SF3B3: variants seen among roughly 807,000 people sequenced by gnomAD.
The protein encoded by SF3B3 is splicing factor 3b subunit 3.
Under a neutral mutation model 139.2 loss-of-function variants are expected in SF3B3, and 33 were observed. That is an observed-to-expected ratio of 0.24 (90% CI 0.18 to 0.32). The LOEUF (loss-of-function observed/expected upper bound fraction) is 0.32, where lower values mean the gene tolerates loss of function less well. Among genes scored for constraint, SF3B3 ranks in the 10% least tolerant of loss-of-function variants. The probability of loss-of-function intolerance (pLI) is 1.00; values close to 1 mark genes in which losing one functional copy is unlikely to be tolerated. For synonymous variants in SF3B3, 596 were observed against 563.6 expected (o/e 1.06, Z -0.81); for missense variants, 818 against 1,509.4 (o/e 0.54, Z 7.59).
intron 15 of SF3B3, among the ~76,000 whole-genome samples, chr16:70,558,096 G>A (rs1268955347): frequency 6.6e-6 from 1 of 152,034 alleles, no homozygotes; most frequent in African/African-American, 2.4e-5. Flanking sequence ...TTGTCTTGTA[G>A]AATTTCCCAC....
At chr16:70,534,783 C>G (rs2050150850) in intron 5 of SF3B3, among the ~76,000 whole-genome samples, 1 of 152,190 alleles carries the variant, frequency 6.6e-6, no homozygotes, top group African/African-American at 2.4e-5. Flanking sequence ...GTTCTCCTGC[C>G]TCAGCCTCCC....
At position 70,556,249 on chromosome 16, in the gene SF3B3, A is replaced by T. The variant is rs749459179; in HGVS notation, c.1781A>T (p.Asn594Ile). Residue 594 changes from asparagine (N) to isoleucine (I), a missense_variant, in exon 14 of 26, where the codon AAT (asparagine) becomes ATT (isoleucine). By Grantham distance (149) the Asn-to-Ile change is moderately radical. Around this residue, in one of 14 missense-constraint regions of SF3B3, gnomAD observed 170 missense variants for 353.0 expected, o/e 0.48. Transcript: ENST00000302516. ...GATGTGGTGTGCATGAGTCTGGCCAATGTACCCCCTGGAGAGCAGCGGTCT... is the reference window on the plus strand; with the variant it reads ...GATGTGGTGTGCATGAGTCTGGCCATTGTACCCCCTGGAGAGCAGCGGTCT... ...SADVVCMSLA[N>I]VPPGEQRSRF... 6.2e-7 allele frequency: 1 copy of T among 1,614,182 alleles called. No individual in the cohort carries two copies. The highest frequency in any genetic ancestry group is 8.5e-7 in the Non-Finnish European group (1 of 1,180,024).
chr16:70,524,209 C>G (rs1338155247), intron 1 of SF3B3, among the ~76,000 whole-genome samples: 1 of 151,992 alleles, frequency 6.6e-6, no homozygotes, highest in Non-Finnish European at 1.5e-5. Context: ...TGACAAGCAG[C>G]GGGAGGCATG....
intron 11 of SF3B3, among the ~76,000 whole-genome samples, chr16:70,548,810 A>G (rs901952657): frequency 1.1e-4 from 17 of 152,154 alleles, no homozygotes; most frequent in African/African-American, 4.1e-4. Flanking sequence ...TATTCTTTTA[A>G]ATTGTTTTGA....
At chr16:70,533,166 G>T (rs2050136827) in intron 5 of SF3B3, among the ~76,000 whole-genome samples, 1 of 152,110 alleles carries the variant, frequency 6.6e-6, no homozygotes, top group African/African-American at 2.4e-5. Context: ...TTATCTTCTT[G>T]TTGAGGGACA....
At position 70,575,202 on chromosome 16, in the gene SF3B3, T is replaced by TTTC. The variant is rs1555501477; in HGVS notation, c.*3391_*3392insCTT. On this transcript the variant is annotated 3_prime_UTR_variant, in exon 26 of 26. Transcript: ENST00000302516. ...TTTTCTTTTTCTTTTTTTTCTTTTTTTTTTTTTTTTTTTTGAGATGAAGTC... is the reference window on the plus strand; with the variant it reads ...TTTTCTTTTTCTTTTTTTTCTTTTTTTTCTTTTTTTTTTTTTTGAGATGAAGTC... The TTTC allele has an allele frequency of 3.1e-3, 438 of 142,480 alleles. No homozygotes were observed. Among genetic ancestry groups the TTTC allele is most frequent in the African/African-American group, 0.011 (416 of 37,200 alleles). The allele number at this position is 142,480 out of a possible 1,614,324, so 8.8% of individuals were successfully genotyped here. A position where few individuals can be genotyped will look rare whatever the true frequency, so the allele number is the denominator to read the frequency against.
chr16:70,526,577 G>T lies in SF3B3; in HGVS notation c.-70-10G>T. ...TCTCCCAGCTATTTTTCTGTTTTCT[G>T]TTTTCTTAGCTTTCTTGGACTCCGT... On this transcript the variant is annotated splice_polypyrimidine_tract_variant and intron_variant, in intron 1 of 25. Coordinates refer to ENST00000302516, the MANE Select transcript of SF3B3 (RefSeq NM_012426.5). 1.0e-6 allele frequency: 1 copy of T among 987,392 alleles called. No individual in the cohort carries two copies. Among genetic ancestry groups the T allele is most frequent in the East Asian group, 2.5e-5 (1 of 40,608 alleles). 61.2% of individuals were successfully genotyped at this position (987,392 alleles called of 1,614,324 possible).
Position 70,574,718 on chromosome 16 carries a change from C to T in SF3B3, c.*2905C>T, listed in dbSNP as rs1472857945. The stretch of plus-strand genomic sequence containing the variant: ...ATGTTGGACAGGGTGGTCTCGAACT[C>T]CTGGCCTAAAGTGGTCCACCTAGCT... On this transcript the variant is annotated 3_prime_UTR_variant, in exon 26 of 26. Coordinates refer to ENST00000302516, the MANE Select transcript of SF3B3 (RefSeq NM_012426.5). 6.6e-6 allele frequency: 1 copy of T among 152,248 alleles called. No homozygotes were observed. Among genetic ancestry groups the T allele is most frequent in the Non-Finnish European group, 1.5e-5 (1 of 68,066 alleles). The allele number at this position is 152,248 out of a possible 1,614,324, so 9.4% of individuals were successfully genotyped here.
chr16:70,530,850 A>G lies in SF3B3; in HGVS notation c.503A>G (p.Tyr168Cys). 6.2e-7 allele frequency: 1 copy of G among 1,614,112 alleles called. No individual in the cohort carries two copies. Among genetic ancestry groups the G allele is most frequent in the Non-Finnish European group, 8.5e-7 (1 of 1,179,972 alleles). ...GCCCACAAAGCAAACACTTTAGTGTATCATGTAGTTGGAGTAGATGTCGGA... is the reference window on the plus strand; with the variant it reads ...GCCCACAAAGCAAACACTTTAGTGTGTCATGTAGTTGGAGTAGATGTCGGA... ...LEAHKANTLV[Y>C]HVVGVDVGFE... is the part of the protein sequence containing the mutation. Residue 168 changes from tyrosine to cysteine, a missense_variant, in exon 4 of 26, where the codon TAT becomes TGT. This residue lies in a region of SF3B3 where 144 missense variants were observed against 259.2 expected (regional missense o/e 0.56). Transcript: ENST00000302516.
At chr16:70,529,600 TC>T (rs1337099416) in intron 3 of SF3B3, 6 of 190,144 alleles carry the variant, frequency 3.2e-5, no homozygotes, top group Non-Finnish European at 5.5e-5. Context: ...TAGAGGGCAG[TC>T]ATAAATCGTT....
chr16:70,554,234 T>G, intron 11 of SF3B3: 1 of 442,958 alleles, frequency 2.3e-6, no homozygotes, highest in South Asian at 3.4e-5. Context: ...AAGAAAATAT[T>G]GAGGAAGCAG....
chr16:70,571,905 G>A lies in SF3B3; in HGVS notation c.*92G>A, dbSNP rs748188308. On this transcript the variant is annotated 3_prime_UTR_variant, in exon 26 of 26. Coordinates refer to ENST00000302516, the MANE Select transcript of SF3B3 (RefSeq NM_012426.5). ...ACCTGGCTTCTGCCATGTGGCAGGA[G>A]GGTGACTGGATAATTAAGACTGCAT... 3 of 1,443,196 alleles carry A rather than the reference G, an allele frequency of 2.1e-6. No homozygotes were observed. The highest frequency in any genetic ancestry group is 1.3e-5 in the South Asian group (1 of 76,942). The allele number at this position is 1,443,196 out of a possible 1,614,324, so 89.4% of individuals were successfully genotyped here.
At chr16:70,559,494 C>T (rs1419715161) in intron 15 of SF3B3, among the ~76,000 whole-genome samples, 2 of 151,906 alleles carry the variant, frequency 1.3e-5, no homozygotes, top group African/African-American at 4.8e-5. Context: ...CGAGACTAGC[C>T]TGGGCAACAT....
In SF3B3 at chr16:70,575,909, A is replaced by G. The variant is rs2050575362; in HGVS notation, c.*4096A>G. 1 of 152,194 alleles carries G rather than the reference A, an allele frequency of 6.6e-6. No individual in the cohort carries two copies. The allele number at this position is 152,194 out of a possible 1,614,324, so 9.4% of individuals were successfully genotyped here. A position where few individuals can be genotyped will look rare whatever the true frequency, so the allele number is the denominator to read the frequency against. ...ATTAGAACCCTCTTCATTTGTCAGA[A>G]CAGATTCCTGGGGTCTGCTCCCAAT... On this transcript the variant is annotated 3_prime_UTR_variant, in exon 26 of 26. Transcript: ENST00000302516.
intron 23 of SF3B3, 92 bp downstream of exon 23, chr16:70,569,233 A>T: frequency 1.2e-6 from 1 of 837,120 alleles, no homozygotes. Context: ...AATTATTCAT[A>T]GTGCACACGA....
At chr16:70,543,029 G>C (rs949711812) in intron 9 of SF3B3, among the ~76,000 whole-genome samples, 5 of 152,186 alleles carry the variant, frequency 3.3e-5, no homozygotes, top group South Asian at 2.1e-4. Context: ...GGCCAAGTGT[G>C]ACTAATTTCT....
intron 11 of SF3B3, among the ~76,000 whole-genome samples, chr16:70,552,800 A>G (rs1364838864): frequency 6.6e-6 from 1 of 152,268 alleles, no homozygotes; most frequent in Non-Finnish European, 1.5e-5. Flanking sequence ...ATATGAAGCA[A>G]CTTCATAAAT....
intron 10 of SF3B3, among the ~76,000 whole-genome samples, chr16:70,547,757 T>C (rs1338730875): frequency 6.6e-6 from 1 of 152,202 alleles, no homozygotes; most frequent in Non-Finnish European, 1.5e-5. Context: ...CATGCCTGGC[T>C]AATTTTTATA....
chr16:70,557,360 A>G (rs2050388307), intron 15 of SF3B3, among the ~76,000 whole-genome samples: 2 of 152,202 alleles, frequency 1.3e-5, no homozygotes, highest in African/African-American at 2.4e-5. Context: ...CTCAGTTCAT[A>G]ATTGGCTTCA....
Sources: allele counts gnomAD v4.1 joint callset (sites outside exome capture counted in the v4.1 genomes callset), GRCh38; gene constraint gnomAD v4.1.1; regional missense constraint gnomAD v4.1.1; transcripts MANE v1.5; gene names NCBI Gene and HGNC (gene_info 2026-07-23, HGNC 2026-07-21).